Variants in ADAMTS3 observed in about 807,000 individuals in gnomAD.
ADAMTS3 encodes A disintegrin and metalloproteinase with thrombospondin motifs 3.
In ADAMTS3, 73 loss-of-function variants were observed where a neutral mutation model predicts 129.0. The observed-to-expected ratio is 0.57, with a 90% CI of 0.47 to 0.69. ADAMTS3 has a LOEUF of 0.69. Among genes scored for constraint, ADAMTS3 ranks in the 30% least tolerant of loss-of-function variants. The pLI is 0.00. For synonymous variants in ADAMTS3, 477 were observed against 510.8 expected, an observed-to-expected ratio of 0.93 and a Z score of 0.89; for missense variants, 1,457 against 1,514.5, an observed-to-expected ratio of 0.96 and a Z score of 0.63.
At chr4:72,309,587 A>C in intron 14 of ADAMTS3, 67 bp from the exon 15 acceptor site, 1 of 1,563,886 alleles carries the variant, frequency 6.4e-7, no homozygotes, top group Non-Finnish European at 8.7e-7. Context: ...ATCCCAGAGA[A>C]TGATGAACCC....
chr4:72,368,350 A>G (rs6819182), intron 4 of ADAMTS3, among the ~76,000 whole-genome samples: 10,010 of 152,248 alleles, frequency 0.066, 1,148 homozygotes, highest in African/African-American at 0.23. Flanking sequence ...TTTTGGAAAT[A>G]TATCTTAGAA....
chr4:72,449,374 C>G (rs1003811137), intron 3 of ADAMTS3, among the ~76,000 whole-genome samples: 1 of 151,726 alleles, frequency 6.6e-6, no homozygotes, highest in African/African-American at 2.4e-5. Flanking sequence ...GTCCCCATCT[C>G]AGGAAATGAC....
intron 19 of ADAMTS3, 37 bp downstream of exon 19, chr4:72,295,617 T>A: frequency 6.3e-7 from 1 of 1,581,386 alleles, no homozygotes; most frequent in African/African-American, 1.4e-5. Context: ...AGTCCTGATT[T>A]TGACCTCCAG....
At chr4:72,311,346 T>G (rs1719229904) in intron 13 of ADAMTS3, among the ~76,000 whole-genome samples, 165 bp from the exon 14 acceptor site, 1 of 144,958 alleles carries the variant, frequency 6.9e-6, no homozygotes, top group Non-Finnish European at 1.5e-5. Flanking sequence ...GTATGTACAT[T>G]TGACATTTTT....
At chr4:72,325,691 G>A (rs1412925107) in intron 5 of ADAMTS3, among the ~76,000 whole-genome samples, 9 of 152,138 alleles carry the variant, frequency 5.9e-5, no homozygotes. Flanking sequence ...TCTGGAGAAG[G>A]AGAAGTAAGG....
chr4:72,342,741 T>C (rs369248841), intron 4 of ADAMTS3, among the ~76,000 whole-genome samples: 7 of 152,292 alleles, frequency 4.6e-5, no homozygotes, highest in South Asian at 2.1e-4. Context: ...TTTTTTAGCC[T>C]GTGCATTCTG....
At chr4:72,514,723 C>A (rs866207064) in intron 3 of ADAMTS3, among the ~76,000 whole-genome samples, 1 of 152,110 alleles carries the variant, frequency 6.6e-6, no homozygotes, top group South Asian at 2.1e-4. Flanking sequence ...GCTTCTTACA[C>A]ACAGACAAAC....
chr4:72,530,828 TTATATATAA>T, intron 3 of ADAMTS3, among the ~76,000 whole-genome samples: 3 of 121,904 alleles, frequency 2.5e-5, no homozygotes, highest in Admixed American at 1.1e-4. Flanking sequence ...ATTATATAGA[TTATATATAA>T]TATATAATAT....
intron 4 of ADAMTS3, among the ~76,000 whole-genome samples, chr4:72,358,526 A>G (rs1188935796): frequency 6.6e-6 from 1 of 152,000 alleles, no homozygotes; most frequent in African/African-American, 2.4e-5. Context: ...TTTTAAAAAT[A>G]TGATGGCTTT....
At chr4:72,364,951 T>C (rs1176925796) in intron 4 of ADAMTS3, among the ~76,000 whole-genome samples, 1 of 152,164 alleles carries the variant, frequency 6.6e-6, no homozygotes, top group Non-Finnish European at 1.5e-5. Context: ...TATGCTATAT[T>C]ATAAGTTTCT....
intron 3 of ADAMTS3, among the ~76,000 whole-genome samples, chr4:72,423,862 G>T (rs1313217576): frequency 6.6e-6 from 1 of 152,058 alleles, no homozygotes; most frequent in Non-Finnish European, 1.5e-5. Flanking sequence ...GATGCATTTA[G>T]ACAGAGTATA....
At chr4:72,324,480 A>T (rs765890607) in intron 5 of ADAMTS3, among the ~76,000 whole-genome samples, 1 of 152,224 alleles carries the variant, frequency 6.6e-6, no homozygotes, top group Admixed American at 6.5e-5. Context: ...GCTAGAATAT[A>T]CTAGAGATAA....
At chr4:72,371,769 A>ATATTAACATCAT (rs1721015300) in intron 4 of ADAMTS3, among the ~76,000 whole-genome samples, 1 of 152,154 alleles carries the variant, frequency 6.6e-6, no homozygotes, top group Non-Finnish European at 1.5e-5. Context: ...TGAATAACGC[A>ATATTAACATCAT]ATTAACAAAC....
chr4:72,499,643 T>C (rs1719958626), intron 3 of ADAMTS3, among the ~76,000 whole-genome samples: 4 of 152,168 alleles, frequency 2.6e-5, no homozygotes, highest in Admixed American at 2.6e-4. Context: ...ACTTTTATTT[T>C]AGATTCGGGA....
At chr4:72,464,431 T>C (rs1334984671) in intron 3 of ADAMTS3, among the ~76,000 whole-genome samples, 2 of 152,018 alleles carry the variant, frequency 1.3e-5, no homozygotes, top group East Asian at 1.9e-4. Flanking sequence ...AAGCGAACAT[T>C]GCTTAAAGGT....
At chr4:72,342,208 C>T (rs1023724548) in intron 4 of ADAMTS3, among the ~76,000 whole-genome samples, 1 of 152,134 alleles carries the variant, frequency 6.6e-6, no homozygotes, top group Non-Finnish European at 1.5e-5. Context: ...GATCATAGCC[C>T]TTCCCACAAC....
At chr4:72,561,984 G>T (rs1219430981) in intron 2 of ADAMTS3, among the ~76,000 whole-genome samples, 2 of 152,208 alleles carry the variant, frequency 1.3e-5, no homozygotes, top group African/African-American at 2.4e-5. Context: ...AACAGAGGTT[G>T]CTATGCTAGG....
intron 10 of ADAMTS3, among the ~76,000 whole-genome samples, chr4:72,318,256 G>T (rs900643871): frequency 6.6e-6 from 1 of 152,140 alleles, no homozygotes; most frequent in African/African-American, 2.4e-5. Flanking sequence ...ATGAAGATTT[G>T]AGCCTGGCAG....
At chr4:72,421,283 T>A (rs2366036) in intron 3 of ADAMTS3, among the ~76,000 whole-genome samples, 9 of 151,980 alleles carry the variant, frequency 5.9e-5, no homozygotes, top group East Asian at 1.9e-4. Context: ...CTATCCTAAC[T>A]TTTTCCCTTC....
Sources: gnomAD v4.1 joint callset for allele counts (sites outside exome capture counted in the v4.1 genomes callset) on GRCh38, gnomAD v4.1.1 for gene constraint, MANE v1.5 for transcripts, NCBI Gene and HGNC (gene_info 2026-07-23, HGNC 2026-07-21) for gene names.